Variants in VAMP7 observed in about 807,000 individuals in gnomAD.
The protein encoded by VAMP7 is vesicle associated membrane protein 7, also known as vesicle-associated membrane protein 7.
VAMP7 carries 14 observed loss-of-function variants against 29.6 expected under a neutral mutation model. The observed-to-expected ratio is 0.47, with a 90% confidence interval of 0.31 to 0.74. The LOEUF (loss-of-function observed/expected upper bound fraction) is 0.74, where lower values mean the gene tolerates loss of function less well. Ranked by LOEUF, VAMP7 falls within the 30% of genes least tolerant of loss-of-function variation. VAMP7 has a pLI of 0.05. For synonymous variants in VAMP7, 95 were observed against 88.1 expected (o/e 1.08, Z -0.44); for missense variants, 223 against 262.4 (o/e 0.85, Z 1.04).
rs775925600 is a variant in VAMP7, at chrX:155,911,781, A to G, written c.434-8032A>G. On this transcript the variant is annotated intron_variant, in intron 5 of 7. Transcript: ENST00000286448. ...CCAAGTTGATTATTGATGCATAGAA[A>G]CATTACAGATATTTGTATGTTGATT... is the stretch of plus-strand genomic sequence containing the variant. Among the ~76,000 whole-genome samples, 37 of 152,288 alleles carry G rather than the reference A, an allele frequency of 2.4e-4. 1 individual carries two copies. The South Asian group carries it at 7.7e-3, about 32-fold the overall frequency.
intron 6 of VAMP7, among the ~76,000 whole-genome samples, chrX:155,930,201 C>T (rs917979241): frequency 1.3e-5 from 2 of 152,162 alleles, no homozygotes; most frequent in South Asian, 2.1e-4. Context: ...GCATTATTGA[C>T]TGACTGCCCT....
chrX:155,896,609 T>G lies in VAMP7; in HGVS notation c.204+929T>G, dbSNP rs540833732. On this transcript the variant is annotated intron_variant, in intron 3 of 7. Transcript: ENST00000286448. ...ATGGTTTCGTAGAGCTACATACTTA[T>G]TTATTCATGTCCGGAGTAGAGGGAC... Among the ~76,000 whole-genome samples the G allele has an allele frequency of 1.1e-4, 17 of 152,290 alleles. No individual in the cohort carries two copies. In the East Asian group the frequency reaches 2.1e-3, roughly 19 times the overall value.
At chrX:155,890,917 A>G (rs1268940127) in intron 2 of VAMP7, among the ~76,000 whole-genome samples, 1 of 152,192 alleles carries the variant, frequency 6.6e-6, no homozygotes, top group African/African-American at 2.4e-5. Context: ...AAGATACAGT[A>G]TTAATTTTAA....
At chrX:155,920,648 T>C (rs1863525148) in intron 6 of VAMP7, among the ~76,000 whole-genome samples, 1 of 152,216 alleles carries the variant, frequency 6.6e-6, no homozygotes, top group Non-Finnish European at 1.5e-5. Context: ...CCACCTCTGC[T>C]ACTTACTAGT....
chrX:155,887,386 A>C (rs2065877260), intron 1 of VAMP7, among the ~76,000 whole-genome samples: 1 of 152,170 alleles, frequency 6.6e-6, no homozygotes, highest in Non-Finnish European at 1.5e-5. Context: ...GTCAGCAAGA[A>C]GACAAAAAGA....
chrX:155,939,240 T>A (rs1199076264), intron 6 of VAMP7, among the ~76,000 whole-genome samples: 1 of 152,168 alleles, frequency 6.6e-6, no homozygotes. Flanking sequence ...GCAGAAGGAA[T>A]GAAGTTCTAT....
At chrX:155,908,230 C>T (rs1313823491) in intron 5 of VAMP7, among the ~76,000 whole-genome samples, 17 of 152,076 alleles carry the variant, frequency 1.1e-4, no homozygotes, top group African/African-American at 3.9e-4. Flanking sequence ...GAGGTTGCAG[C>T]GAGCCGAGAT....
At chrX:155,931,099 C>T (rs1237691433) in intron 6 of VAMP7, among the ~76,000 whole-genome samples, 1 of 152,162 alleles carries the variant, frequency 6.6e-6, no homozygotes, top group Non-Finnish European at 1.5e-5. Context: ...TTTTCTGAAT[C>T]CAGTCTATCA....
intron 5 of VAMP7, among the ~76,000 whole-genome samples, chrX:155,906,968 A>G (rs1482163660): frequency 2.6e-5 from 4 of 152,150 alleles, no homozygotes; most frequent in Middle Eastern, 3.2e-3. Context: ...GTCCTTTATC[A>G]GGTTGAGGAA....
intron 5 of VAMP7, among the ~76,000 whole-genome samples, chrX:155,913,568 G>A (rs1287504104): frequency 6.6e-6 from 1 of 151,904 alleles, no homozygotes; most frequent in African/African-American, 2.4e-5. Flanking sequence ...AAGGAAGGGG[G>A]CCAGTTTCAG....
chrX:155,896,647 A>C (rs1452763019), intron 3 of VAMP7, among the ~76,000 whole-genome samples: 3 of 151,914 alleles, frequency 2.0e-5, no homozygotes, highest in Non-Finnish European at 4.4e-5. Flanking sequence ...TGTCTTCTTG[A>C]GTGTCTTATT....
intron 6 of VAMP7, among the ~76,000 whole-genome samples, chrX:155,923,984 C>T (rs955406595): frequency 6.6e-6 from 1 of 152,090 alleles, no homozygotes; most frequent in African/African-American, 2.4e-5. Flanking sequence ...CATGTGCATA[C>T]TTTCCTCTAC....
At chrX:155,882,171 G>A (rs757690700) in intron 1 of VAMP7, among the ~76,000 whole-genome samples, 22 of 152,184 alleles carry the variant, frequency 1.4e-4, no homozygotes, top group African/African-American at 5.3e-4. Flanking sequence ...AATTCCCTTT[G>A]AATACCTGTG....
At position 155,939,808 on chromosome X, in the gene VAMP7, T is replaced by C; in HGVS notation, c.594+15T>C. On this transcript the variant is annotated intron_variant, in intron 7 of 7. Transcript: ENST00000286448. Reference sequence around the variant, plus strand: ...TCGTATCAATTGTAAGTTTTTGTCCTTTTAGTGTATGGCTTTATTTTTCAA... The same window carrying C: ...TCGTATCAATTGTAAGTTTTTGTCCCTTTAGTGTATGGCTTTATTTTTCAA... 2 of 1,582,124 alleles carry C rather than the reference T, an allele frequency of 1.3e-6. No homozygotes were observed. Among genetic ancestry groups the C allele is most frequent in the Non-Finnish European group, 1.7e-6 (2 of 1,151,032 alleles).
intron 5 of VAMP7, among the ~76,000 whole-genome samples, chrX:155,909,064 C>T (rs1161869668): frequency 1.3e-5 from 2 of 152,080 alleles, no homozygotes; most frequent in East Asian, 1.9e-4. Flanking sequence ...TGGGCTCAAG[C>T]GATCCACTTG....
intron 2 of VAMP7, among the ~76,000 whole-genome samples, chrX:155,890,277 G>A (rs2065911879): frequency 6.6e-6 from 1 of 152,092 alleles, no homozygotes; most frequent in Admixed American, 6.5e-5. Context: ...CATATTAAGA[G>A]CTTGGACTTT....
At chrX:155,918,578 T>C (rs748688855) in intron 5 of VAMP7, among the ~76,000 whole-genome samples, 1 of 152,218 alleles carries the variant, frequency 6.6e-6, no homozygotes, top group African/African-American at 2.4e-5. Context: ...CCCGACCCCT[T>C]GTGCTTCCTG....
At chrX:155,915,480 CA>C (rs1423298756) in intron 5 of VAMP7, among the ~76,000 whole-genome samples, 1 of 152,052 alleles carries the variant, frequency 6.6e-6, no homozygotes, top group Admixed American at 6.6e-5. Context: ...AAATCTTTCC[CA>C]CTTTTTGCTG....
At position 155,930,492 on chromosome X, in the gene VAMP7, A is replaced by C. The variant is rs778007883; in HGVS notation, c.502-9209A>C. Among the ~76,000 whole-genome samples, 238 of 26,006 alleles carry C rather than the reference A, an allele frequency of 9.2e-3. 2 individuals carry two copies. Among genetic ancestry groups the C allele is most frequent in the Non-Finnish European group, 8.8e-3 (102 of 11,534 alleles). The allele number at this position is 26,006 out of a possible 152,430, so 17.1% of individuals were successfully genotyped here. A position where few individuals can be genotyped will look rare whatever the true frequency, so the allele number is the denominator to read the frequency against. On this transcript the variant is annotated intron_variant, in intron 6 of 7. Transcript: ENST00000286448. ...ACCTTATCTCTACAAAACCAAACAA[A>C]AAAAAAAAAAAAATAGGTGTGATTG...
Sources: gnomAD v4.1 joint callset for allele counts (sites outside exome capture counted in the v4.1 genomes callset) on GRCh38, gnomAD v4.1.1 for gene constraint, MANE v1.5 for transcripts, NCBI Gene and HGNC (gene_info 2026-07-23, HGNC 2026-07-21) for gene names.